The following LIPJ variants were observed in gnomAD, a reference collection of about 807,000 sequenced individuals.
The protein encoded by LIPJ is lipase family member J.
A neutral mutation model predicts 39.8 loss-of-function variants in LIPJ; 33 were observed. The ratio of observed to expected loss-of-function variants is 0.83; its 90% CI spans 0.63 to 1.11. The LOEUF (loss-of-function observed/expected upper bound fraction) is 1.11, where lower values mean the gene tolerates loss of function less well. Among genes scored for constraint, LIPJ ranks in the 50% least tolerant of loss-of-function variants. LIPJ has a pLI of 0.00. For synonymous variants in LIPJ, 128 were observed against 139.2 expected (o/e 0.92, Z 0.57); for missense variants, 422 against 427.9 (o/e 0.99, Z 0.12).
At chr10:88,598,169 T>C (rs1178548045) in intron 8 of LIPJ, among the ~76,000 whole-genome samples, 1 of 151,968 alleles carries the variant, frequency 6.6e-6, no homozygotes, top group Non-Finnish European at 1.5e-5. Flanking sequence ...TGGTTCAGCT[T>C]GAATCAGTCT....
At chr10:88,592,107 A>G (rs560443523) in intron 4 of LIPJ, 1 of 152,080 alleles carries the variant, frequency 6.6e-6, no homozygotes, top group East Asian at 1.9e-4. Context: ...TCTTCCTGAA[A>G]GAATGTTTCT....
At chr10:88,583,223 C>T (rs746274150), upstream of LIPJ, 13 of 1,611,520 alleles carry the variant, frequency 8.1e-6, no homozygotes, top group Admixed American at 1.0e-4. Flanking sequence ...CGCTGAGTCT[C>T]TGCGGCGGGG....
At chr10:88,616,937 C>G in the LIPJ span, among the ~76,000 whole-genome samples, 1 of 152,122 alleles carries the variant, frequency 6.6e-6, no homozygotes, top group Non-Finnish European at 1.5e-5. Context: ...TCTGCTTGGT[C>G]CCCAGTGTGT....
intron 9 of LIPJ, among the ~76,000 whole-genome samples, chr10:88,603,077 G>A (rs760488639): frequency 6.6e-6 from 1 of 152,124 alleles, no homozygotes; most frequent in Non-Finnish European, 1.5e-5. Context: ...GGGTGACAGA[G>A]TAAGACTCTG....
upstream of LIPJ, among the ~76,000 whole-genome samples, chr10:88,586,072 T>C (rs1356622980): frequency 6.6e-6 from 1 of 152,210 alleles, no homozygotes; most frequent in Admixed American, 6.5e-5. Flanking sequence ...TACAGCATCG[T>C]TTTTGCTTGC....
the LIPJ span, chr10:88,619,010 T>C: frequency 3.9e-5 from 6 of 152,298 alleles, no homozygotes; most frequent in East Asian, 1.2e-3. Context: ...TATGCGTACA[T>C]ATTAGGAAGA....
At chr10:88,615,643 A>C in the LIPJ span, among the ~76,000 whole-genome samples, 2 of 150,724 alleles carry the variant, frequency 1.3e-5, no homozygotes, top group Non-Finnish European at 3.0e-5. Flanking sequence ...AAAAAAAAAA[A>C]AAAAAAAACA....
At chr10:88,622,652 C>T in the LIPJ span, among the ~76,000 whole-genome samples, 1 of 152,272 alleles carries the variant, frequency 6.6e-6, no homozygotes, top group African/African-American at 2.4e-5. Flanking sequence ...GCTAAGTGGC[C>T]AGTGTGGCTC....
upstream of LIPJ, chr10:88,583,605 C>G (rs545290867): frequency 2.4e-4 from 244 of 995,924 alleles, no homozygotes; most frequent in Middle Eastern, 2.5e-3. Flanking sequence ...TGCTGTTTTA[C>G]TATTCTAGAT....
chr10:88,589,412 C>A (rs1424121138), intron 2 of LIPJ, among the ~76,000 whole-genome samples: 1 of 151,868 alleles, frequency 6.6e-6, no homozygotes, highest in Non-Finnish European at 1.5e-5. Context: ...GCAGCTCTTG[C>A]TCTTCTCTTT....
chr10:88,606,583 T>G (rs1395645003), intron 10 of LIPJ, 91 bp from the exon 11 acceptor site: 9 of 719,310 alleles, frequency 1.3e-5, no homozygotes, highest in Non-Finnish European at 2.1e-5. Flanking sequence ...TTTAAAACAG[T>G]ATTTAAACTC....
chr10:88,589,259 T>C (rs1050398076), intron 2 of LIPJ, among the ~76,000 whole-genome samples: 2 of 151,832 alleles, frequency 1.3e-5, no homozygotes, highest in Admixed American at 1.3e-4. Flanking sequence ...GCTATTTCCA[T>C]GTACTTATCT....
chr10:88,608,096 C>G (rs1851706843), downstream of LIPJ, among the ~76,000 whole-genome samples: 1 of 152,146 alleles, frequency 6.6e-6, no homozygotes, highest in Non-Finnish European at 1.5e-5. Context: ...TTAACCATAG[C>G]CTAACCTGCA....
chr10:88,603,362 A>C (rs758227601), intron 9 of LIPJ, among the ~76,000 whole-genome samples: 1 of 152,022 alleles, frequency 6.6e-6, no homozygotes, highest in East Asian at 1.9e-4. Flanking sequence ...TAAATTGTCA[A>C]CTCCTGAGAA....
upstream of LIPJ, chr10:88,583,186 G>C: frequency 6.2e-7 from 1 of 1,613,854 alleles, no homozygotes; most frequent in South Asian, 1.1e-5. Flanking sequence ...CAGCACCTGC[G>C]CCATGGCGAG....
At chr10:88,599,152 T>C (rs73357298) in intron 8 of LIPJ, among the ~76,000 whole-genome samples, 5,846 of 151,458 alleles carry the variant, frequency 0.039, 354 homozygotes, top group African/African-American at 0.13. Context: ...TGAATGGCAA[T>C]GGAAACAAAA....
At chr10:88,585,629 GT>G (rs1051871893), upstream of LIPJ, 36 of 147,518 alleles carry the variant, frequency 2.4e-4, no homozygotes, top group South Asian at 6.5e-4. Context: ...AAGCCATTAG[GT>G]TTTTTTTTTT....
chr10:88,604,789 A>G (rs917272262), intron 9 of LIPJ, among the ~76,000 whole-genome samples: 5 of 152,194 alleles, frequency 3.3e-5, no homozygotes, highest in Non-Finnish European at 5.9e-5. Context: ...AATTTAGGAA[A>G]GACTTATAAA....
rs142341913 is a variant in LIPJ, at chr10:88,603,677, A to T, written c.795+1030A>T. On this transcript the variant is annotated intron_variant, in intron 9 of 10. Coordinates refer to ENST00000371939, the Ensembl canonical transcript of LIPJ. ...TAATAATTCTCTGATTTAACTAAGA[A>T]AAATATTGTAAGAATTGAAAAGGCT... 5.6e-4 allele frequency among the ~76,000 whole-genome samples: 86 copies of T among 152,298 alleles called. 1 individual carries two copies. Among genetic ancestry groups the T allele is most frequent in the African/African-American group, 1.9e-3 (81 of 41,560 alleles).
Sources: gnomAD v4.1 joint callset for allele counts (sites outside exome capture counted in the v4.1 genomes callset) on GRCh38, gnomAD v4.1.1 for gene constraint, MANE v1.5 for transcripts, NCBI Gene and HGNC (gene_info 2026-07-23, HGNC 2026-07-21) for gene names.